ZNF341: variants seen among roughly 807,000 people sequenced by gnomAD.
ZNF341 encodes the protein zinc finger protein 341.
In ZNF341, 52 loss-of-function variants were observed where a neutral mutation model predicts 87.7. That is an observed-to-expected ratio of 0.59 (90% confidence interval 0.47 to 0.75). The LOEUF (loss-of-function observed/expected upper bound fraction) is 0.75. ZNF341 is among the 30% of genes least tolerant of loss of function. The pLI is 0.00. For synonymous variants in ZNF341, 459 were observed against 472.7 expected (o/e 0.97, Z 0.38); for missense variants, 977 against 1,145.9 (o/e 0.85, Z 2.13).
intron 3 of ZNF341, among the ~76,000 whole-genome samples, chr20:33,747,569 C>T (rs2018955042): frequency 7.8e-6 from 1 of 128,916 alleles, no homozygotes; most frequent in South Asian, 2.3e-4. Flanking sequence ...GAGCCGAGGT[C>T]CCGCCACTGC....
chr20:33,736,210 T>C (rs993897357), intron 1 of ZNF341, among the ~76,000 whole-genome samples: 10 of 150,910 alleles, frequency 6.6e-5, no homozygotes, highest in Admixed American at 6.6e-4. Context: ...CTCTACTACC[T>C]TCTGGCCCTC....
intron 7 of ZNF341, among the ~76,000 whole-genome samples, chr20:33,760,545 A>T (rs1169386548): frequency 3.3e-5 from 5 of 151,298 alleles, no homozygotes; most frequent in African/African-American, 4.9e-5. Context: ...AATGAATTTA[A>T]TTTTTTTTTG....
At chr20:33,736,720 T>C (rs1329512938) in intron 1 of ZNF341, among the ~76,000 whole-genome samples, 1 of 152,154 alleles carries the variant, frequency 6.6e-6, no homozygotes, top group African/African-American at 2.4e-5. Context: ...TTTACTGTTA[T>C]ACCTAAAAGT....
chr20:33,784,967 T>G (rs188283230), intron 12 of ZNF341, among the ~76,000 whole-genome samples: 8 of 152,308 alleles, frequency 5.3e-5, no homozygotes, highest in Admixed American at 5.2e-4. Flanking sequence ...CTGCTCTCAC[T>G]GTAAGTTCCC....
intron 14 of ZNF341, 98 bp from the exon 15 acceptor site, chr20:33,790,890 T>G: frequency 7.2e-7 from 1 of 1,391,786 alleles, no homozygotes; most frequent in Non-Finnish European, 9.6e-7. Context: ...ATCACACAGG[T>G]GCTGGTGGGG....
chr20:33,753,102 GTCCT>G lies in ZNF341; in HGVS notation c.490-61_490-58del, dbSNP rs150809400. ...TTCCACCTGGCTGGCTAAAGCAAAT[GTCCT>G]TCCTTCCTGATAAATAAGACAACTG... On this transcript the variant is annotated intron_variant, in intron 4 of 14. Transcript: ENST00000375200. 4.7e-3 allele frequency: 7,556 copies of G among 1,603,460 alleles called. 293 individuals are homozygous for G. The African/African-American group carries it at 0.086, about 18-fold the overall frequency.
At chr20:33,746,884 G>C (rs1477650024) in intron 3 of ZNF341, among the ~76,000 whole-genome samples, 6 of 152,204 alleles carry the variant, frequency 3.9e-5, no homozygotes, top group Non-Finnish European at 7.4e-5. Context: ...AAGGGAGGAG[G>C]CTGTGAGGAG....
intron 5 of ZNF341, among the ~76,000 whole-genome samples, chr20:33,754,813 C>T (rs1322675621): frequency 6.6e-6 from 1 of 152,224 alleles, no homozygotes; most frequent in Non-Finnish European, 1.5e-5. Flanking sequence ...TGTCTGACCT[C>T]AGTCTGCGCT....
intron 7 of ZNF341, among the ~76,000 whole-genome samples, chr20:33,760,978 T>A (rs78297010): frequency 0.021 from 3,180 of 152,308 alleles, 108 homozygotes; most frequent in African/African-American, 0.072. Flanking sequence ...AAGCCTTTTT[T>A]AAAGATTATT....
chr20:33,777,130 G>A (rs1180792682), intron 10 of ZNF341, among the ~76,000 whole-genome samples: 2 of 138,270 alleles, frequency 1.4e-5, no homozygotes, highest in African/African-American at 2.7e-5. Flanking sequence ...CCTGGACTAC[G>A]TGGCAAAACC....
rs957716331 is a variant in ZNF341 at position 33,741,087 on chromosome 20, C to T, written c.142+75C>T. The T allele has an allele frequency of 1.0e-4, 143 of 1,399,154 alleles. 1 individual carries two copies. The Middle Eastern group carries it at 1.6e-3, about 16-fold the overall frequency. 86.7% of individuals were successfully genotyped at this position (1,399,154 alleles called of 1,614,324 possible). A position where few individuals can be genotyped will look rare whatever the true frequency, so the allele number is the denominator to read the frequency against. On this transcript the variant is annotated intron_variant, in intron 2 of 14. Coordinates refer to ENST00000375200, the MANE Select transcript of ZNF341 (RefSeq NM_001282933.2). ...AAGAGTAGGTGGAGCTTGTGCTGGG[C>T]TGTGGGAGTGAAATGCTTGCTGTGG...
intron 4 of ZNF341, chr20:33,752,357 C>A: frequency 1.6e-6 from 1 of 626,946 alleles, no homozygotes; most frequent in African/African-American, 1.8e-5. Flanking sequence ...GGTATCAATG[C>A]ACACATCTGG....
intron 5 of ZNF341, among the ~76,000 whole-genome samples, chr20:33,754,973 C>G (rs1400905097): frequency 6.6e-6 from 1 of 152,182 alleles, no homozygotes; most frequent in Non-Finnish European, 1.5e-5. Context: ...GACAGAGTCT[C>G]ACTCTATCGC....
At chr20:33,781,457 A>C in intron 11 of ZNF341, 70 bp downstream of exon 11, 1 of 1,385,574 alleles carries the variant, frequency 7.2e-7, no homozygotes, top group Non-Finnish European at 1.0e-6. Context: ...TGGGGTGCAC[A>C]CCTCACCCTT....
At chr20:33,763,088 G>A (rs932305658) in intron 8 of ZNF341, among the ~76,000 whole-genome samples, 9 of 152,118 alleles carry the variant, frequency 5.9e-5, no homozygotes, top group African/African-American at 1.9e-4. Flanking sequence ...AATTATAATG[G>A]AGCTGGAAAT....
intron 11 of ZNF341, among the ~76,000 whole-genome samples, chr20:33,782,044 G>C (rs140683185): frequency 3.1e-4 from 47 of 152,190 alleles, no homozygotes; most frequent in African/African-American, 1.1e-3. Context: ...TTGGCCTCAA[G>C]TGATCCTCCC....
intron 3 of ZNF341, among the ~76,000 whole-genome samples, chr20:33,748,278 G>C (rs1304810714): frequency 2.0e-5 from 3 of 151,580 alleles, no homozygotes; most frequent in Non-Finnish European, 4.4e-5. Flanking sequence ...CACCACGTTG[G>C]CCAGGATGGT....
rs562418957 is a variant in ZNF341, at chr20:33,744,518, A to T, written c.143-585A>T. ...TGGAGTTCTCAACTTTGTAGTGAAC[A>T]TACTTTACTGTTTTTTGATTTCTAA... On this transcript the variant is annotated intron_variant, in intron 2 of 14. Transcript: ENST00000375200. 3.9e-5 allele frequency among the ~76,000 whole-genome samples: 6 copies of T among 152,290 alleles called. No individual in the cohort carries two copies. The East Asian group carries it at 1.2e-3, about 29-fold the overall frequency.
In ZNF341 at chr20:33,789,014, C is replaced by G. The variant is rs543965592; in HGVS notation, c.1964+40C>G. The G allele has an allele frequency of 8.0e-6, 12 of 1,507,456 alleles. No homozygotes were observed. In the East Asian group the frequency reaches 2.1e-4, roughly 26 times the overall value. The allele number at this position is 1,507,456 out of a possible 1,614,324, so 93.4% of individuals were successfully genotyped here. On this transcript the variant is annotated intron_variant, in intron 13 of 14. Coordinates refer to ENST00000375200, the MANE Select transcript of ZNF341 (RefSeq NM_001282933.2). ...CCATGCAGGGGGGTGGGTAGCGGGA[C>G]AGATTCTCCAGGGGTGCTGCTGGGG... is the stretch of plus-strand genomic sequence containing the variant.
Sources: allele counts gnomAD v4.1 joint callset (sites outside exome capture counted in the v4.1 genomes callset), GRCh38; gene constraint gnomAD v4.1.1; transcripts MANE v1.5; gene names NCBI Gene and HGNC (gene_info 2026-07-23, HGNC 2026-07-21).